The following ASTN2 variants were observed in gnomAD, a reference collection of about 807,000 sequenced individuals.
The protein encoded by ASTN2 is astrotactin 2, also known as astrotactin-2.
In ASTN2, 54 loss-of-function variants were observed where a neutral mutation model predicts 139.8. That is an observed-to-expected ratio of 0.39 (90% CI 0.31 to 0.48). The LOEUF (loss-of-function observed/expected upper bound fraction) is 0.48, where lower values mean the gene tolerates loss of function less well. ASTN2 is among the 20% of genes least tolerant of loss of function. ASTN2 has a pLI of 0.95. For missense variants in ASTN2, 1,565 were observed against 1,725.1 expected, an observed-to-expected ratio of 0.91 and a Z score of 1.64; for synonymous variants, 756 against 719.5, an observed-to-expected ratio of 1.05 and a Z score of -0.81.
chr9:117,083,776 G>A (rs960133869), intron 5 of ASTN2, among the ~76,000 whole-genome samples: 2 of 152,078 alleles, frequency 1.3e-5, no homozygotes, highest in Admixed American at 6.5e-5. Context: ...TTGCTTTATC[G>A]CCTTTGGTCT....
intron 3 of ASTN2, among the ~76,000 whole-genome samples, chr9:117,145,447 G>A (rs549997048): frequency 6.6e-6 from 1 of 152,186 alleles, no homozygotes; most frequent in African/African-American, 2.4e-5. Context: ...TTTGGCCCGT[G>A]GGATGCCCCA....
intron 11 of ASTN2, among the ~76,000 whole-genome samples, 153 bp downstream of exon 11, chr9:116,863,430 C>T (rs968136288): frequency 2.0e-5 from 3 of 152,208 alleles, no homozygotes; most frequent in African/African-American, 7.2e-5. Flanking sequence ...GGTGAGGAAA[C>T]CAAGGTAGGC....
intron 4 of ASTN2, among the ~76,000 whole-genome samples, chr9:117,136,438 T>C (rs112139158): frequency 0.032 from 4,901 of 152,352 alleles, 268 homozygotes; most frequent in African/African-American, 0.11. Flanking sequence ...GTGAACTTTA[T>C]GACAGATTCT....
At chr9:116,755,210 C>T (rs1047721819) in intron 13 of ASTN2, among the ~76,000 whole-genome samples, 1 of 152,108 alleles carries the variant, frequency 6.6e-6, no homozygotes, top group African/African-American at 2.4e-5. Flanking sequence ...GGTTCTAATT[C>T]CTGGAAACTG....
chr9:117,329,183 T>C (rs927351042), intron 1 of ASTN2, among the ~76,000 whole-genome samples: 38 of 147,408 alleles, frequency 2.6e-4, no homozygotes, highest in Non-Finnish European at 4.2e-4. Flanking sequence ...CCAAGTTCTT[T>C]TTTTTTTTTT....
At chr9:117,407,890 G>A (rs568542024) in intron 1 of ASTN2, among the ~76,000 whole-genome samples, 5 of 152,298 alleles carry the variant, frequency 3.3e-5, no homozygotes, top group East Asian at 1.9e-4. Context: ...ACGTGGGAGA[G>A]TATCAGCTCT....
At position 117,040,026 on chromosome 9, in the gene ASTN2, A is replaced by G; in HGVS notation, c.1277-61T>C. ...CATGAGGTGAGGAAATGGGATTGGC[A>G]TCAAGTTTGGGAATTCTATTATTTT... is the stretch of plus-strand genomic sequence containing the variant. On this transcript the variant is annotated intron_variant, in intron 5 of 22. Coordinates refer to ENST00000313400, the MANE Select transcript of ASTN2 (RefSeq NM_001365068.1). 9 of 1,492,942 alleles carry G rather than the reference A, an allele frequency of 6.0e-6. 1 individual carries two copies. Among genetic ancestry groups the G allele is most frequent in the Non-Finnish European group, 8.1e-6 (9 of 1,111,512 alleles). The allele number at this position is 1,492,942 out of a possible 1,614,324, so 92.5% of individuals were successfully genotyped here. A position where few individuals can be genotyped will look rare whatever the true frequency, so the allele number is the denominator to read the frequency against.
At chr9:116,684,161 T>TA (rs1860058313) in intron 16 of ASTN2, among the ~76,000 whole-genome samples, 1 of 152,210 alleles carries the variant, frequency 6.6e-6, no homozygotes, top group South Asian at 2.1e-4. Flanking sequence ...GCTTGGCTTT[T>TA]AAAAACTCTT....
At chr9:116,537,559 A>C (rs952893088) in intron 19 of ASTN2, among the ~76,000 whole-genome samples, 5 of 152,226 alleles carry the variant, frequency 3.3e-5, no homozygotes, top group African/African-American at 1.2e-4. Context: ...AAGCCCTGGA[A>C]GGTGAATAAT....
At chr9:116,477,116 T>A (rs188987330) in intron 20 of ASTN2, among the ~76,000 whole-genome samples, 6 of 152,040 alleles carry the variant, frequency 3.9e-5, no homozygotes, top group African/African-American at 1.4e-4. Context: ...CATTCCTGGA[T>A]GGAATCTTGA....
chr9:117,325,212 C>A (rs1828475514), intron 1 of ASTN2, among the ~76,000 whole-genome samples: 1 of 152,206 alleles, frequency 6.6e-6, no homozygotes, highest in Non-Finnish European at 1.5e-5. Context: ...AGGCTAGACT[C>A]TGGCCAGTCC....
intron 5 of ASTN2, among the ~76,000 whole-genome samples, chr9:117,070,309 C>A (rs2132706618): frequency 9.4e-6 from 1 of 105,964 alleles, no homozygotes; most frequent in Non-Finnish European, 1.9e-5. Flanking sequence ...GTTGAAAATT[C>A]TTTTCTTTAA....
chr9:116,999,716 C>T (rs142633116), intron 7 of ASTN2, among the ~76,000 whole-genome samples: 14 of 151,958 alleles, frequency 9.2e-5, no homozygotes, highest in East Asian at 3.9e-4. Context: ...TGTACCACCA[C>T]GCTCAGCTAA....
chr9:116,551,778 CA>C (rs1388189123), intron 19 of ASTN2, among the ~76,000 whole-genome samples: 1 of 152,164 alleles, frequency 6.6e-6, no homozygotes, highest in Non-Finnish European at 1.5e-5. Flanking sequence ...CTCCCAAAAA[CA>C]CTGTAGTTCA....
chr9:117,234,172 T>C (rs1229367037), intron 2 of ASTN2, among the ~76,000 whole-genome samples: 2 of 152,076 alleles, frequency 1.3e-5, no homozygotes, highest in Non-Finnish European at 2.9e-5. Flanking sequence ...TAGAGACAAC[T>C]CCTCTCCTCC....
chr9:117,096,783 G>A (rs1328618727), intron 4 of ASTN2, among the ~76,000 whole-genome samples: 2 of 152,126 alleles, frequency 1.3e-5, no homozygotes, highest in Non-Finnish European at 2.9e-5. Context: ...GGCCTGAGAA[G>A]GTTTTATGCA....
chr9:117,364,950 AACACACACACACACACAC>A (rs71379275), intron 1 of ASTN2, among the ~76,000 whole-genome samples: 66 of 121,542 alleles, frequency 5.4e-4, no homozygotes, highest in Admixed American at 1.9e-3. Flanking sequence ...CCATCTCTAC[AACACACACACACACACAC>A]ACACACACAC....
At chr9:116,793,872 A>T (rs190031292) in intron 13 of ASTN2, among the ~76,000 whole-genome samples, 14 of 152,206 alleles carry the variant, frequency 9.2e-5, no homozygotes, top group Middle Eastern at 3.4e-3. Context: ...GATATATGGA[A>T]AATTCCCACC....
chr9:116,502,723 GA>G (rs1439264204), intron 19 of ASTN2, among the ~76,000 whole-genome samples: 2 of 28,076 alleles, frequency 7.1e-5, no homozygotes, highest in Non-Finnish European at 1.8e-4. Context: ...AGGAAGGAAG[GA>G]AGGAAGGAAT....
Sources: allele counts gnomAD v4.1 joint callset (sites outside exome capture counted in the v4.1 genomes callset), GRCh38; gene constraint gnomAD v4.1.1; transcripts MANE v1.5; gene names NCBI Gene and HGNC (gene_info 2026-07-23, HGNC 2026-07-21).